UTRN: variants seen among roughly 807,000 people sequenced by gnomAD.
The protein encoded by UTRN is dystrophin-related protein 1.
In UTRN, 283 loss-of-function variants were observed where a neutral mutation model predicts 463.9. That is an observed-to-expected ratio of 0.61 (90% confidence interval 0.55 to 0.67). The LOEUF (loss-of-function observed/expected upper bound fraction) is 0.67, where lower values mean the gene tolerates loss of function less well. Among genes scored for constraint, UTRN ranks in the 30% least tolerant of loss-of-function variants. The pLI, the probability that UTRN is intolerant of heterozygous loss-of-function variation, is 0.00. For missense variants in UTRN, 3,922 were observed against 4,084.3 expected, an observed-to-expected ratio of 0.96 and a Z score of 1.08; for synonymous variants, 1,442 against 1,431.5, an observed-to-expected ratio of 1.01 and a Z score of -0.17.
At chr6:144,680,694 G>T (rs567192555) in intron 52 of UTRN, among the ~76,000 whole-genome samples, 1 of 152,158 alleles carries the variant, frequency 6.6e-6, no homozygotes, top group Non-Finnish European at 1.5e-5. Flanking sequence ...TCTCACTTCA[G>T]ATGATCAAAG....
intron 50 of UTRN, among the ~76,000 whole-genome samples, chr6:144,572,793 A>C (rs1182827891): frequency 6.6e-6 from 1 of 152,164 alleles, no homozygotes; most frequent in Non-Finnish European, 1.5e-5. Context: ...TATCCAGTCT[A>C]TCATTGATGG....
chr6:144,798,372 G>A (rs939412175), intron 64 of UTRN, among the ~76,000 whole-genome samples: 1 of 152,164 alleles, frequency 6.6e-6, no homozygotes, highest in African/African-American at 2.4e-5. Flanking sequence ...AGGAAGCAAT[G>A]TTTAATTACC....
At chr6:144,782,364 T>G (rs1287584861) in intron 61 of UTRN, among the ~76,000 whole-genome samples, 4 of 152,144 alleles carry the variant, frequency 2.6e-5, no homozygotes, top group Admixed American at 2.6e-4. Context: ...ACAAAGACTG[T>G]CAAATTTATA....
intron 61 of UTRN, among the ~76,000 whole-genome samples, chr6:144,787,518 G>A (rs1776390930): frequency 6.6e-6 from 1 of 151,934 alleles, no homozygotes; most frequent in Non-Finnish European, 1.5e-5. Context: ...TCCTATTGAG[G>A]GAGTACTTTG....
intron 65 of UTRN, among the ~76,000 whole-genome samples, chr6:144,803,731 T>C (rs73779140): frequency 0.057 from 8,660 of 152,084 alleles, 624 homozygotes; most frequent in African/African-American, 0.17. Context: ...TTTGGACATA[T>C]AGTTTATTTT....
chr6:144,437,879 C>A, intron 11 of UTRN, 133 bp downstream of exon 11: 1 of 829,814 alleles, frequency 1.2e-6, no homozygotes, highest in Non-Finnish European at 1.8e-6. Context: ...CTCTTTTCTA[C>A]GGGTAATATT....
chr6:144,451,073 T>C (rs1187090822), intron 17 of UTRN, among the ~76,000 whole-genome samples: 2 of 152,108 alleles, frequency 1.3e-5, no homozygotes, highest in South Asian at 2.1e-4. Context: ...GATCGTGCCA[T>C]TGCACTCAAG....
chr6:144,632,411 T>G lies in UTRN; in HGVS notation c.7480-45995T>G, dbSNP rs990827998. ...TCAAATTGAAGATCTGGGAAGTAAG[T>G]AATAGAAACTTACAGACAGATTGAG... On this transcript the variant is annotated intron_variant, in intron 51 of 74. Transcript: ENST00000367545. Among the ~76,000 whole-genome samples the G allele has an allele frequency of 3.9e-5, 6 of 152,180 alleles. 1 individual carries two copies. The highest frequency in any genetic ancestry group is 1.4e-4 in the African/African-American group (6 of 41,454).
intron 54 of UTRN, among the ~76,000 whole-genome samples, chr6:144,740,760 G>A (rs1296205808): frequency 1.3e-5 from 2 of 152,134 alleles, no homozygotes; most frequent in Admixed American, 1.3e-4. Flanking sequence ...TGTTTTTCAT[G>A]CTAACTCCTA....
chr6:144,604,085 A>T (rs1276685184), intron 51 of UTRN, among the ~76,000 whole-genome samples: 1 of 152,156 alleles, frequency 6.6e-6, no homozygotes, highest in African/African-American at 2.4e-5. Context: ...TTTACATTTG[A>T]TTATGTTACT....
chr6:144,290,627 G>T (rs754577093), intron 1 of UTRN, among the ~76,000 whole-genome samples: 1 of 151,940 alleles, frequency 6.6e-6, no homozygotes, highest in Admixed American at 6.6e-5. Flanking sequence ...AGAGTTGCAA[G>T]AAATTTTCAT....
chr6:144,745,155 C>T (rs1790572604), intron 54 of UTRN, among the ~76,000 whole-genome samples: 1 of 152,116 alleles, frequency 6.6e-6, no homozygotes, highest in Non-Finnish European at 1.5e-5. Context: ...TTCTCTGCTT[C>T]TACTTGTAGG....
At chr6:144,539,173 T>C (rs1797790427) in intron 44 of UTRN, 121 bp from the exon 45 acceptor site, 1 of 1,170,788 alleles carries the variant, frequency 8.5e-7, no homozygotes, top group African/African-American at 1.6e-5. Flanking sequence ...TAAGTTTATT[T>C]TTTCACTTAA....
chr6:144,596,170 A>G (rs1439432533), intron 51 of UTRN, among the ~76,000 whole-genome samples: 3 of 152,210 alleles, frequency 2.0e-5, no homozygotes, highest in South Asian at 4.1e-4. Flanking sequence ...AGACAACTTA[A>G]TAATTCAATA....
intron 65 of UTRN, among the ~76,000 whole-genome samples, chr6:144,804,733 G>T (rs1288596178): frequency 6.6e-6 from 1 of 152,102 alleles, no homozygotes; most frequent in Non-Finnish European, 1.5e-5. Context: ...CCTTCCTGAT[G>T]ATTACATTTC....
At chr6:144,519,789 G>C (rs1305261692) in intron 39 of UTRN, among the ~76,000 whole-genome samples, 1 of 152,154 alleles carries the variant, frequency 6.6e-6, no homozygotes, top group East Asian at 1.9e-4. Flanking sequence ...TTTTAAACTT[G>C]GATCTTTATG....
intron 73 of UTRN, among the ~76,000 whole-genome samples, chr6:144,845,442 A>G (rs964611281): frequency 2.6e-5 from 4 of 152,196 alleles, no homozygotes; most frequent in Non-Finnish European, 5.9e-5. Context: ...TATGTTTATT[A>G]AGCTTGAATG....
At chr6:144,493,982 A>G (rs957344073) in intron 33 of UTRN, among the ~76,000 whole-genome samples, 37 of 152,238 alleles carry the variant, frequency 2.4e-4, no homozygotes, top group Non-Finnish European at 1.6e-4. Flanking sequence ...CAGCCTAGGA[A>G]CAGAGTGAGA....
At chr6:144,654,706 G>A (rs1462160125) in intron 51 of UTRN, among the ~76,000 whole-genome samples, 4 of 152,240 alleles carry the variant, frequency 2.6e-5, no homozygotes, top group Non-Finnish European at 4.4e-5. Flanking sequence ...GGCCTCCTGA[G>A]ATTGTTTCCC....
Sources: allele counts gnomAD v4.1 joint callset (sites outside exome capture counted in the v4.1 genomes callset), GRCh38; gene constraint gnomAD v4.1.1; transcripts MANE v1.5; gene names NCBI Gene and HGNC (gene_info 2026-07-23, HGNC 2026-07-21).